The following MTFR1 variants were observed in gnomAD, a reference collection of about 807,000 sequenced individuals.
MTFR1 encodes the protein chondrocyte protein with a poly-proline region.
MTFR1 carries 28 observed loss-of-function variants against 38.8 expected under a neutral mutation model. The ratio of observed to expected loss-of-function variants is 0.72; its 90% confidence interval spans 0.53 to 0.99. The LOEUF (loss-of-function observed/expected upper bound fraction) is 0.99, where lower values mean the gene tolerates loss of function less well. Ranked by LOEUF, MTFR1 falls within the 50% of genes least tolerant of loss-of-function variation. The pLI is 0.00. For synonymous variants in MTFR1, 145 were observed against 137.0 expected, an observed-to-expected ratio of 1.06 and a Z score of -0.41; for missense variants, 358 against 395.5, an observed-to-expected ratio of 0.91 and a Z score of 0.81.
downstream of MTFR1, among the ~76,000 whole-genome samples, chr8:65,714,156 C>T (rs1239129822): frequency 1.3e-5 from 2 of 150,920 alleles, no homozygotes; most frequent in Non-Finnish European, 2.9e-5. Context: ...ATGTTGAGAA[C>T]AGAAACCAAG....
At chr8:65,749,848 A>C (rs372598489) in intron 3 of MTFR1, among the ~76,000 whole-genome samples, 86 of 152,384 alleles carry the variant, frequency 5.6e-4, no homozygotes, top group African/African-American at 1.8e-3. Flanking sequence ...TTTACTGTCC[A>C]TTACAAAATT....
At chr8:65,710,777 C>G (rs1194879750), downstream of MTFR1, among the ~76,000 whole-genome samples, 2 of 152,142 alleles carry the variant, frequency 1.3e-5, no homozygotes, top group Admixed American at 6.5e-5. Flanking sequence ...TCAGGGTTCT[C>G]AAACCCATAA....
chr8:65,767,683 G>A (rs755628932), intron 3 of MTFR1, among the ~76,000 whole-genome samples: 2 of 152,178 alleles, frequency 1.3e-5, no homozygotes, highest in Admixed American at 6.5e-5. Context: ...TGGGTTCTGG[G>A]TGCTTCCACA....
At chr8:65,749,063 T>C (rs1563486236) in intron 3 of MTFR1, among the ~76,000 whole-genome samples, 1 of 152,176 alleles carries the variant, frequency 6.6e-6, no homozygotes. Context: ...GCTGTCACCT[T>C]CCCTGGGAAG....
chr8:65,667,476 G>A (rs1178014225), intron 1 of MTFR1, among the ~76,000 whole-genome samples: 2 of 151,656 alleles, frequency 1.3e-5, no homozygotes, highest in Admixed American at 1.3e-4. Context: ...CACCCAGGCT[G>A]GAGTTCAGTG....
chr8:65,752,825 C>A (rs564748863), intron 3 of MTFR1, among the ~76,000 whole-genome samples: 2 of 152,288 alleles, frequency 1.3e-5, no homozygotes, highest in South Asian at 4.1e-4. Context: ...CACTTTCTCT[C>A]CAATTCTTTT....
chr8:65,645,477 A>C (rs901285933), intron 1 of MTFR1, among the ~76,000 whole-genome samples: 1 of 152,216 alleles, frequency 6.6e-6, no homozygotes, highest in African/African-American at 2.4e-5. Flanking sequence ...CACTGTACTC[A>C]TTACCCAGTT....
At chr8:65,729,616 T>G (rs994712266) in intron 3 of MTFR1, among the ~76,000 whole-genome samples, 7 of 152,064 alleles carry the variant, frequency 4.6e-5, no homozygotes, top group Non-Finnish European at 8.8e-5. Context: ...CAGCCTGGAG[T>G]GCAGTGGTGC....
chr8:65,736,771 C>T (rs1420207046), intron 3 of MTFR1, among the ~76,000 whole-genome samples: 1 of 142,354 alleles, frequency 7.0e-6, no homozygotes, highest in Non-Finnish European at 1.5e-5. Flanking sequence ...CTCAAAAGCC[C>T]TATGTAATAA....
chr8:65,714,268 G>C, downstream of MTFR1: 1 of 151,130 alleles, frequency 6.6e-6, no homozygotes, highest in East Asian at 1.9e-4. Flanking sequence ...AGTATAGACG[G>C]AAGAGTTTCA....
chr8:65,762,853 T>C (rs1473866787), intron 3 of MTFR1, among the ~76,000 whole-genome samples: 1 of 152,082 alleles, frequency 6.6e-6, no homozygotes, highest in African/African-American at 2.4e-5. Flanking sequence ...AACAAGTATA[T>C]TGGCCAAGTA....
At chr8:65,699,070 A>G (rs558464162) in intron 4 of MTFR1, among the ~76,000 whole-genome samples, 15 of 152,100 alleles carry the variant, frequency 9.9e-5, no homozygotes, top group Non-Finnish European at 2.2e-4. Flanking sequence ...TTTAGCTCTC[A>G]TTTACAAGTG....
intron 3 of MTFR1, among the ~76,000 whole-genome samples, chr8:65,737,011 G>A (rs904126297): frequency 6.7e-6 from 1 of 150,352 alleles, no homozygotes; most frequent in Non-Finnish European, 1.5e-5. Context: ...GCCTGGATGA[G>A]GTGGGAGGCT....
At chr8:65,678,766 T>G (rs1288211098) in intron 2 of MTFR1, among the ~76,000 whole-genome samples, 2 of 152,066 alleles carry the variant, frequency 1.3e-5, no homozygotes, top group Non-Finnish European at 1.5e-5. Flanking sequence ...CTGGGCATGG[T>G]GGCACCTGCC....
At chr8:65,656,978 C>CT (rs947141920) in intron 1 of MTFR1, among the ~76,000 whole-genome samples, 16 of 150,988 alleles carry the variant, frequency 1.1e-4, no homozygotes, top group African/African-American at 2.9e-4. Flanking sequence ...CTTTTTTGTT[C>CT]TTTTTTTTAG....
chr8:65,655,667 G>A (rs888152368), intron 1 of MTFR1, among the ~76,000 whole-genome samples: 5 of 151,678 alleles, frequency 3.3e-5, no homozygotes, highest in Non-Finnish European at 1.5e-5. Flanking sequence ...GGTAGTATAG[G>A]GTCAAGGTGC....
chr8:65,662,199 C>G (rs906463295), intron 1 of MTFR1, among the ~76,000 whole-genome samples: 56 of 152,018 alleles, frequency 3.7e-4, no homozygotes, highest in African/African-American at 1.3e-3. Context: ...ACCTCCCTGC[C>G]TGATTCTCCT....
At chr8:65,660,995 AC>A (rs1470037894) in intron 1 of MTFR1, among the ~76,000 whole-genome samples, 5 of 152,224 alleles carry the variant, frequency 3.3e-5, no homozygotes, top group Non-Finnish European at 5.9e-5. Flanking sequence ...TGTGATTCCA[AC>A]TTCATGACAT....
At chr8:65,707,739 T>TGTCAGGC in intron 6 of MTFR1, 104 bp from the exon 7 acceptor site, 8 of 1,393,316 alleles carry the variant, frequency 5.7e-6, no homozygotes, top group Non-Finnish European at 7.8e-6. Flanking sequence ...ATGGAGTAGC[T>TGTCAGGC]ATGATGCTGG....
Sources: allele counts gnomAD v4.1 joint callset (sites outside exome capture counted in the v4.1 genomes callset), GRCh38; gene constraint gnomAD v4.1.1; transcripts MANE v1.5; gene names NCBI Gene and HGNC (gene_info 2026-07-23, HGNC 2026-07-21).